MAGI1: variants seen among roughly 807,000 people sequenced by gnomAD.
MAGI1 encodes membrane-associated guanylate kinase, WW and PDZ domain-containing protein 1.
Under a neutral mutation model 139.9 loss-of-function variants are expected in MAGI1, and 58 were observed. That is an observed-to-expected ratio of 0.41 (90% CI 0.34 to 0.52). MAGI1 has a LOEUF of 0.52. Ranked by LOEUF, MAGI1 falls within the 20% of genes least tolerant of loss-of-function variation. The probability of loss-of-function intolerance (pLI) is 0.12; values close to 1 mark genes in which losing one functional copy is unlikely to be tolerated. For synonymous variants in MAGI1, 812 were observed against 737.9 expected (o/e 1.10, Z -1.63); for missense variants, 1,874 against 1,901.6 (o/e 0.99, Z 0.27).
In MAGI1 at chr3:65,997,820, G is replaced by A. The variant is rs116984079; in HGVS notation, c.313+40176C>T. On this transcript the variant is annotated intron_variant, in intron 1 of 22. Coordinates refer to ENST00000402939, the MANE Select transcript of MAGI1 (RefSeq NM_001033057.2). The stretch of plus-strand genomic sequence containing the variant: ...GACACCAGGAACCTAAGACCCATGA[G>A]AGCAAGGACTGTTCGCCAACTCTAG... Among the ~76,000 whole-genome samples, 23 of 152,242 alleles carry A rather than the reference G, an allele frequency of 1.5e-4. No individual in the cohort carries two copies. The East Asian group carries it at 4.5e-3, about 29-fold the overall frequency.
intron 1 of MAGI1, among the ~76,000 whole-genome samples, chr3:65,962,288 T>A (rs1057217494): frequency 1.3e-5 from 2 of 150,554 alleles, no homozygotes; most frequent in East Asian, 3.9e-4. Flanking sequence ...CCGGCTAATT[T>A]TTTTTTGTAT....
intron 1 of MAGI1, among the ~76,000 whole-genome samples, chr3:65,658,742 A>T (rs1048094916): frequency 2.6e-5 from 4 of 152,196 alleles, no homozygotes; most frequent in African/African-American, 9.7e-5. Flanking sequence ...TGACTTGTTC[A>T]TCCGTTCACA....
At chr3:65,497,834 T>G (rs1952560017) in intron 2 of MAGI1, among the ~76,000 whole-genome samples, 1 of 152,122 alleles carries the variant, frequency 6.6e-6, no homozygotes, top group Non-Finnish European at 1.5e-5. Flanking sequence ...GCAGATCCCA[T>G]TTTTCCATGT....
intron 1 of MAGI1, among the ~76,000 whole-genome samples, chr3:65,672,623 G>C (rs575091432): frequency 6.6e-6 from 1 of 152,270 alleles, no homozygotes; most frequent in African/African-American, 2.4e-5. Context: ...GTGTCTGTAA[G>C]GCACGGAGAA....
intron 10 of MAGI1, 91 bp from the exon 11 acceptor site, chr3:65,430,972 A>G: frequency 7.9e-7 from 1 of 1,261,602 alleles, no homozygotes; most frequent in South Asian, 1.4e-5. Context: ...ATAATTCTTC[A>G]CGCTTATGCC....
intron 1 of MAGI1, among the ~76,000 whole-genome samples, chr3:66,035,152 G>C (rs1227186937): frequency 1.3e-5 from 2 of 152,152 alleles, no homozygotes; most frequent in African/African-American, 2.4e-5. Flanking sequence ...ACCTGACAAA[G>C]GACTGTCTTC....
intron 2 of MAGI1, among the ~76,000 whole-genome samples, chr3:65,597,224 TA>T (rs1309977217): frequency 6.6e-6 from 1 of 150,396 alleles, no homozygotes; most frequent in Non-Finnish European, 1.5e-5. Flanking sequence ...TCTCCTCCTT[TA>T]CCATCCATCA....
chr3:65,974,398 G>GAT (rs1472693801), intron 1 of MAGI1, among the ~76,000 whole-genome samples: 6 of 123,050 alleles, frequency 4.9e-5, no homozygotes, highest in Admixed American at 7.9e-5. Context: ...TGGGTGGATG[G>GAT]GTGGATGGGT....
chr3:65,689,912 G>T (rs540965285), intron 1 of MAGI1, among the ~76,000 whole-genome samples: 1 of 152,138 alleles, frequency 6.6e-6, no homozygotes, highest in Non-Finnish European at 1.5e-5. Flanking sequence ...TTACCCTCCA[G>T]GCATACGTGT....
intron 12 of MAGI1, among the ~76,000 whole-genome samples, chr3:65,407,579 G>A (rs977779968): frequency 1.3e-5 from 2 of 152,046 alleles, no homozygotes; most frequent in Admixed American, 6.5e-5. Flanking sequence ...TCAGTGATTG[G>A]GGGAAATAAT....
At chr3:65,748,109 C>CA (rs1472201632) in intron 1 of MAGI1, among the ~76,000 whole-genome samples, 5 of 152,202 alleles carry the variant, frequency 3.3e-5, no homozygotes, top group Non-Finnish European at 7.3e-5. Context: ...CTAAGAGTCT[C>CA]AGAGGCAGTC....
At chr3:65,991,967 A>G (rs567576991) in intron 1 of MAGI1, among the ~76,000 whole-genome samples, 23 of 152,308 alleles carry the variant, frequency 1.5e-4, no homozygotes, top group Admixed American at 2.0e-4. Flanking sequence ...GTGAGCCGAG[A>G]TCGCACCACT....
intron 1 of MAGI1, among the ~76,000 whole-genome samples, chr3:65,635,943 G>C (rs890400148): frequency 6.6e-6 from 1 of 152,218 alleles, no homozygotes; most frequent in Non-Finnish European, 1.5e-5. Context: ...ACTGGACTGT[G>C]AGAGCAGAAA....
chr3:65,378,096 A>G (rs1211625293), intron 17 of MAGI1, among the ~76,000 whole-genome samples: 1 of 152,200 alleles, frequency 6.6e-6, no homozygotes, highest in Non-Finnish European at 1.5e-5. Flanking sequence ...TGCTTGGGAG[A>G]TAACAAATGA....
chr3:65,440,664 G>C (rs1339307780), intron 8 of MAGI1, among the ~76,000 whole-genome samples: 2 of 152,006 alleles, frequency 1.3e-5, no homozygotes, highest in East Asian at 3.9e-4. Flanking sequence ...ACTAAACATA[G>C]AGGCACAATT....
At chr3:65,866,351 C>CT (rs60871707) in intron 1 of MAGI1, among the ~76,000 whole-genome samples, 26,307 of 133,164 alleles carry the variant, frequency 0.2, 2,672 homozygotes, top group Middle Eastern at 0.28. Context: ...GTGCCTACTT[C>CT]TTTTTTTTTT....
intron 1 of MAGI1, among the ~76,000 whole-genome samples, chr3:65,933,819 T>C (rs1453951183): frequency 6.6e-6 from 1 of 152,184 alleles, no homozygotes; most frequent in Non-Finnish European, 1.5e-5. Flanking sequence ...AGCAAATAAA[T>C]GTATTATAAA....
Position 66,011,694 on chromosome 3 carries a change from G to T in MAGI1, c.313+26302C>A, listed in dbSNP as rs552347856. The stretch of plus-strand genomic sequence containing the variant: ...CTTCCTGCAGGTCGGCTGGGCCTTG[G>T]TTGAGACGACTTCACAGCCTAACTT... On this transcript the variant is annotated intron_variant, in intron 1 of 22. Transcript: ENST00000402939. Among the ~76,000 whole-genome samples, 7 of 152,212 alleles carry T rather than the reference G, an allele frequency of 4.6e-5. No homozygotes were observed. In the East Asian group the frequency reaches 1.4e-3, roughly 29 times the overall value.
intron 13 of MAGI1, among the ~76,000 whole-genome samples, chr3:65,392,759 G>C (rs145052679): frequency 6.6e-6 from 1 of 152,282 alleles, no homozygotes; most frequent in East Asian, 1.9e-4. Flanking sequence ...AAAGCCCAAG[G>C]AGGACAAAAA....
Sources: allele counts gnomAD v4.1 joint callset (sites outside exome capture counted in the v4.1 genomes callset), GRCh38; gene constraint gnomAD v4.1.1; transcripts MANE v1.5; gene names NCBI Gene and HGNC (gene_info 2026-07-23, HGNC 2026-07-21).